SCAMP5: variants seen among roughly 807,000 people sequenced by gnomAD.
The protein encoded by SCAMP5 is secretory carrier membrane protein 5.
Under a neutral mutation model 28.3 loss-of-function variants are expected in SCAMP5, and 7 were observed. The observed-to-expected ratio is 0.25, with a 90% CI of 0.14 to 0.46. The LOEUF is 0.46. Among genes scored for constraint, SCAMP5 ranks in the 20% least tolerant of loss-of-function variants. SCAMP5 has a pLI of 0.99. For synonymous variants in SCAMP5, 117 were observed against 116.4 expected (o/e 1.00, Z -0.03); for missense variants, 192 against 312.5 (o/e 0.61, Z 2.91).
At chr15:75,010,305 C>T (rs1350292696) in intron 1 of SCAMP5, among the ~76,000 whole-genome samples, 1 of 152,146 alleles carries the variant, frequency 6.6e-6, no homozygotes, top group Non-Finnish European at 1.5e-5. Flanking sequence ...CTGGAACCTC[C>T]GCCTCATCTC....
chr15:75,006,774 CAA>C (rs111681986), intron 1 of SCAMP5, among the ~76,000 whole-genome samples: 14 of 115,948 alleles, frequency 1.2e-4, no homozygotes, highest in South Asian at 2.6e-4. Flanking sequence ...GACTCCATCT[CAA>C]AAAAAAAAAA....
chr15:74,998,055 G>C (rs528168944), intron 1 of SCAMP5, among the ~76,000 whole-genome samples: 96 of 152,332 alleles, frequency 6.3e-4, no homozygotes, highest in Middle Eastern at 3.4e-3. Flanking sequence ...GGCCTGATCT[G>C]AAGCCAGGCT....
In SCAMP5 at chr15:75,013,475, GAT is replaced by G. The variant is rs542500836; in HGVS notation, c.136+671_136+672del. On this transcript the variant is annotated intron_variant, in intron 3 of 6. Coordinates refer to ENST00000425597, the MANE Select transcript of SCAMP5 (RefSeq NM_138967.4). ...GCACTTTGGGAGGCTGAGCCAGGAG[GAT>G]CACTTGAGGTAAGGAGTTTAAGACC... is the stretch of plus-strand genomic sequence containing the variant. Among the ~76,000 whole-genome samples, 37 of 152,240 alleles carry G rather than the reference GAT, an allele frequency of 2.4e-4. 1 individual carries two copies. The South Asian group carries it at 6.2e-3, about 26-fold the overall frequency.
At chr15:75,008,054 AC>A (rs2065777304) in intron 1 of SCAMP5, among the ~76,000 whole-genome samples, 1 of 150,626 alleles carries the variant, frequency 6.6e-6, no homozygotes, top group Non-Finnish European at 1.5e-5. Flanking sequence ...ACATAGGAGA[AC>A]CCAGAATTAC....
At chr15:75,007,298 C>G (rs2065769491) in intron 1 of SCAMP5, among the ~76,000 whole-genome samples, 1 of 152,222 alleles carries the variant, frequency 6.6e-6, no homozygotes, top group Admixed American at 6.5e-5. Flanking sequence ...TTCATTTGCC[C>G]TCTCCTGTAG....
intron 1 of SCAMP5, among the ~76,000 whole-genome samples, chr15:75,006,515 C>T (rs1463964122): frequency 6.6e-6 from 1 of 151,864 alleles, no homozygotes; most frequent in Non-Finnish European, 1.5e-5. Context: ...TGGCCGGGCA[C>T]TGTGGCTCAT....
chr15:75,007,939 A>G (rs1423242576), intron 1 of SCAMP5, among the ~76,000 whole-genome samples: 1 of 151,982 alleles, frequency 6.6e-6, no homozygotes, highest in African/African-American at 2.4e-5. Context: ...GGCCCAAGCG[A>G]TCCATCTGCC....
chr15:74,995,733 G>C (rs2065645580), intron 1 of SCAMP5, 60 bp downstream of exon 1: 1 of 152,482 alleles, frequency 6.6e-6, no homozygotes, highest in African/African-American at 2.4e-5. Flanking sequence ...CGCGGGGCGA[G>C]AGGTGTGGGG....
At position 74,999,666 on chromosome 15, in the gene SCAMP5, G is replaced by A. The variant is rs185373194; in HGVS notation, c.-49+3993G>A. ...AAAACACAAAAGTTAGCCAGGCATGGTGGTGCGCACCTGTAGTCCCAGCTA... is the reference window on the plus strand; with the variant it reads ...AAAACACAAAAGTTAGCCAGGCATGATGGTGCGCACCTGTAGTCCCAGCTA... On this transcript the variant is annotated intron_variant, in intron 1 of 6. Transcript: ENST00000425597. 5.4e-3 allele frequency among the ~76,000 whole-genome samples: 821 copies of A among 152,228 alleles called. 7 individuals carry two copies. The highest frequency in any genetic ancestry group is 0.019 in the African/African-American group (789 of 41,524).
chr15:74,999,448 C>T (rs553047431), intron 1 of SCAMP5, among the ~76,000 whole-genome samples: 22 of 152,082 alleles, frequency 1.4e-4, no homozygotes, highest in Non-Finnish European at 3.1e-4. Context: ...GACTACTCTC[C>T]CCAGGCCCTT....
Position 75,018,965 on chromosome 15 carries a change from G to T in SCAMP5, c.690G>T (p.Thr230=). 6.6e-7 allele frequency: 1 copy of T among 1,524,986 alleles called. No individual in the cohort carries two copies. Among genetic ancestry groups the T allele is most frequent in the East Asian group, 2.3e-5 (1 of 42,596 alleles). The allele number at this position is 1,524,986 out of a possible 1,614,324, so 94.5% of individuals were successfully genotyped here. ...AGTATTCCGCCACCCCCAATTACAC[G>T]TACTCCAATGAGATGTGAACCAGCC... The part of the protein sequence containing the change: ...QTQYSATPNY[T]YSNEM The change falls in exon 7 of 7, where the codon ACG becomes ACT. Residue 230 remains threonine, a synonymous_variant. Coordinates refer to ENST00000425597, the MANE Select transcript of SCAMP5 (RefSeq NM_138967.4). This position sits in a 1 kb window ranked among gnomAD's most constrained non-coding sequence, Gnocchi z 5.6.
At position 75,017,863 on chromosome 15, in the gene SCAMP5, G is replaced by C. The variant is rs765130572; in HGVS notation, c.294-7G>C. ...CCAGGTGACGGGAGCCACCTCCTCTGCCGCAGGACTGACAGCTCCTTCAGT... is the reference window on the plus strand; with the variant it reads ...CCAGGTGACGGGAGCCACCTCCTCTCCCGCAGGACTGACAGCTCCTTCAGT... On this transcript the variant is annotated splice_region_variant and splice_polypyrimidine_tract_variant and intron_variant, in intron 4 of 6. Transcript: ENST00000425597. The C allele has an allele frequency of 1.9e-6, 3 of 1,606,942 alleles. No individual in the cohort carries two copies. Among genetic ancestry groups the C allele is most frequent in the Non-Finnish European group, 2.6e-6 (3 of 1,173,600 alleles).
intron 1 of SCAMP5, among the ~76,000 whole-genome samples, chr15:74,999,363 C>T (rs1595878953): frequency 6.6e-6 from 1 of 152,304 alleles, no homozygotes; most frequent in African/African-American, 2.4e-5. Flanking sequence ...GCCATCCCTT[C>T]ATCACTTATA....
At chr15:75,012,575 C>A in intron 2 of SCAMP5, 102 bp from the exon 3 acceptor site, 1 of 1,407,612 alleles carries the variant, frequency 7.1e-7, no homozygotes, top group Non-Finnish European at 9.9e-7. Context: ...TGGCCGGTGG[C>A]CACAGGGGCC....
chr15:75,014,171 C>A (rs931664346), intron 3 of SCAMP5, among the ~76,000 whole-genome samples: 2 of 152,052 alleles, frequency 1.3e-5, no homozygotes, highest in African/African-American at 4.8e-5. Flanking sequence ...TTGCATGTGC[C>A]GACAAGGTGG....
rs2065657361 is a variant in SCAMP5, at chr15:74,996,677, G to A, written c.-49+1004G>A. Among the ~76,000 whole-genome samples, 1 of 152,194 alleles carries A rather than the reference G, an allele frequency of 6.6e-6. No individual in the cohort carries two copies. The highest frequency in any genetic ancestry group is 1.5e-5 in the Non-Finnish European group (1 of 68,030). On this transcript the variant is annotated intron_variant, in intron 1 of 6. Transcript: ENST00000425597. This position sits in a 1 kb window ranked among gnomAD's most constrained non-coding sequence, Gnocchi z 4.1. ...GAGCTCAGCCATGTGACTGCCCATG[G>A]GGTGGTGGAGTCTGGAGAAATTTGC...
intron 1 of SCAMP5, among the ~76,000 whole-genome samples, chr15:74,997,892 A>G (rs2065667610): frequency 1.3e-5 from 2 of 152,106 alleles, no homozygotes; most frequent in Admixed American, 1.3e-4. Flanking sequence ...TGGGGCTAGG[A>G]GTGGGATGAG....
chr15:75,018,041 T>C lies in SCAMP5; in HGVS notation c.395+70T>C, dbSNP rs1012315703. 6.3e-6 allele frequency: 6 copies of C among 950,422 alleles called. No individual in the cohort carries two copies. The highest frequency in any genetic ancestry group is 8.4e-6 in the Non-Finnish European group (5 of 593,694). The allele number at this position is 950,422 out of a possible 1,614,324, so 58.9% of individuals were successfully genotyped here. A position where few individuals can be genotyped will look rare whatever the true frequency, so the allele number is the denominator to read the frequency against. ...TGGGTGTATCTTTTGCTTACCTTTGTGTGCTAAGCTGTCTAGCCTATGGGG... is the reference window on the plus strand; with the variant it reads ...TGGGTGTATCTTTTGCTTACCTTTGCGTGCTAAGCTGTCTAGCCTATGGGG... On this transcript the variant is annotated intron_variant, in intron 5 of 6. Coordinates refer to ENST00000425597, the MANE Select transcript of SCAMP5 (RefSeq NM_138967.4). This position sits in a 1 kb window ranked among gnomAD's most constrained non-coding sequence, Gnocchi z 5.6.
intron 1 of SCAMP5, among the ~76,000 whole-genome samples, chr15:75,001,656 G>C (rs892653137): frequency 6.6e-6 from 1 of 151,916 alleles, no homozygotes; most frequent in Non-Finnish European, 1.5e-5. Flanking sequence ...GGATCACGAG[G>C]TCAGGAGTTG....
Sources: allele counts gnomAD v4.1 joint callset (sites outside exome capture counted in the v4.1 genomes callset), GRCh38; gene constraint gnomAD v4.1.1; non-coding constraint Gnocchi (gnomAD v3.1); transcripts MANE v1.5; gene names NCBI Gene and HGNC (gene_info 2026-07-23, HGNC 2026-07-21).